Variants in LARP6 observed in about 807,000 individuals in gnomAD.
The protein encoded by LARP6 is la-related protein 6.
Under a neutral mutation model 32.8 loss-of-function variants are expected in LARP6, and 18 were observed. The ratio of observed to expected loss-of-function variants is 0.55; its 90% CI spans 0.38 to 0.81. The LOEUF (loss-of-function observed/expected upper bound fraction) is 0.81, where lower values mean the gene tolerates loss of function less well. Among genes scored for constraint, LARP6 ranks in the 40% least tolerant of loss-of-function variants. The pLI is 0.00. For missense variants in LARP6, 598 were observed against 663.1 expected, an observed-to-expected ratio of 0.90 and a Z score of 1.08; for synonymous variants, 289 against 267.2, an observed-to-expected ratio of 1.08 and a Z score of -0.80.
intron 2 of LARP6, among the ~76,000 whole-genome samples, chr15:70,833,454 T>C (rs1170622087): frequency 6.6e-6 from 1 of 152,220 alleles, no homozygotes; most frequent in Non-Finnish European, 1.5e-5. Flanking sequence ...GGCCCACCTC[T>C]AGCTTGAAGT....
intron 1 of LARP6, chr15:70,851,485 C>G: frequency 7.3e-7 from 1 of 1,375,464 alleles, no homozygotes; most frequent in African/African-American, 1.4e-5. Flanking sequence ...CTTATATAAG[C>G]TAGGTATTAG....
intron 2 of LARP6, among the ~76,000 whole-genome samples, chr15:70,834,169 G>A (rs2032106097): frequency 6.6e-6 from 1 of 152,170 alleles, no homozygotes; most frequent in Admixed American, 6.5e-5. Context: ...GGAACTTCAT[G>A]AAACTCAAGA....
chr15:70,847,479 C>A lies in LARP6; in HGVS notation c.200+6410G>T, dbSNP rs573478914. Among the ~76,000 whole-genome samples, 15 of 152,130 alleles carry A rather than the reference C, an allele frequency of 9.9e-5. No homozygotes were observed. The South Asian group carries it at 2.9e-3, about 29-fold the overall frequency. The stretch of plus-strand genomic sequence containing the variant: ...CTGCCTCCTGGGTTCAAGCGATTCT[C>A]CCGCCTCAGCCTCCTGAGTAGCTGG... On this transcript the variant is annotated intron_variant, in intron 1 of 2. Transcript: ENST00000299213.
chr15:70,832,796 C>T lies in LARP6; in HGVS notation c.732G>A (p.Arg244=). The T allele has an allele frequency of 1.2e-6, 2 of 1,611,564 alleles. No homozygotes were observed. Among genetic ancestry groups the T allele is most frequent in the Non-Finnish European group, 1.7e-6 (2 of 1,179,042 alleles). Residue 244 remains arginine (R), a synonymous_variant, in exon 3 of 3, where the codon CGG becomes CGA. Coordinates refer to ENST00000299213, the MANE Select transcript of LARP6 (RefSeq NM_018357.4). Reference sequence around the variant, plus strand: ...CTTGGCTGTAGCGGCTGCTGATCCTCCGGATGTCAGGGGGCAGCTCTCTCC... The same window carrying T: ...CTTGGCTGTAGCGGCTGCTGATCCTTCGGATGTCAGGGGGCAGCTCTCTCC... The part of the protein sequence containing the change: ...KPGRELPPDI[R]RISSRYSQVG...
At chr15:70,849,940 T>A (rs796910180) in intron 1 of LARP6, among the ~76,000 whole-genome samples, 8 of 150,758 alleles carry the variant, frequency 5.3e-5, no homozygotes, top group African/African-American at 2.0e-4. Context: ...TAAAAAAAAA[T>A]AGAGCAATGC....
At chr15:70,847,226 G>A (rs1007831034) in intron 1 of LARP6, among the ~76,000 whole-genome samples, 2 of 152,104 alleles carry the variant, frequency 1.3e-5, no homozygotes, top group African/African-American at 4.8e-5. Flanking sequence ...TACACTTAAG[G>A]TTTTGCTTTG....
At position 70,832,831 on chromosome 15, in the gene LARP6, G is replaced by A. The variant is rs1216357739; in HGVS notation, c.697C>T (p.Leu233Phe). Residue 233 changes from leucine (L) to phenylalanine (F), a missense_variant, in exon 3 of 3, where the codon CTC becomes TTC. Leu to Phe is a conservative substitution (Grantham distance 22). This residue lies in a region of LARP6 where 368 missense variants were observed against 397.9 expected (regional missense o/e 0.92). Transcript: ENST00000299213. ...GGGGGCAGCTCTCTCCCAGGTTTGA[G>A]GATCCGCACTGATGAGATGACTCCA... ...TFGVISSVRI[L>F]KPGRELPPDI... 14 of 1,613,036 alleles carry A rather than the reference G, an allele frequency of 8.7e-6. No homozygotes were observed. Among genetic ancestry groups the A allele is most frequent in the Non-Finnish European group, 1.2e-5 (14 of 1,179,688 alleles).
intron 1 of LARP6, among the ~76,000 whole-genome samples, chr15:70,850,446 C>T (rs527835650): frequency 6.6e-6 from 1 of 152,260 alleles, no homozygotes; most frequent in South Asian, 2.1e-4. Context: ...AAATCCTCAG[C>T]AAAATATTAG....
intron 1 of LARP6, among the ~76,000 whole-genome samples, chr15:70,838,930 A>G (rs538546669): frequency 3.3e-5 from 5 of 151,960 alleles, no homozygotes; most frequent in African/African-American, 1.2e-4. Context: ...AAAAAAAAGA[A>G]AAGAAGCAAC....
chr15:70,843,519 T>G (rs2032293001), intron 1 of LARP6, among the ~76,000 whole-genome samples: 1 of 152,194 alleles, frequency 6.6e-6, no homozygotes, highest in Non-Finnish European at 1.5e-5. Context: ...GTAGTCATTC[T>G]CTATTCATGT....
rs556416805 is a variant in LARP6, at chr15:70,831,941, T to TA, written c.*110dup. 15 of 758,678 alleles carry TA rather than the reference T, an allele frequency of 2.0e-5. No individual in the cohort carries two copies. Among genetic ancestry groups the TA allele is most frequent in the Non-Finnish European group, 2.9e-5 (14 of 474,990 alleles). The allele number at this position is 758,678 out of a possible 1,614,324, so 47.0% of individuals were successfully genotyped here. ...AGATAAATTAAGAGGTCTACATGAA[T>TA]AAAAAATCTCTCAAAGGGGAACGAA... On this transcript the variant is annotated 3_prime_UTR_variant, in exon 3 of 3. Transcript: ENST00000299213.
At chr15:70,850,239 C>T (rs2141059190) in intron 1 of LARP6, among the ~76,000 whole-genome samples, 1 of 152,286 alleles carries the variant, frequency 6.6e-6, no homozygotes, top group East Asian at 1.9e-4. Context: ...CAAAGAAAAG[C>T]TCAAGGCCTG....
Position 70,832,748 on chromosome 15 carries a change from G to A in LARP6, c.780C>T (p.Ile260=), listed in dbSNP as rs776423353. Residue 260 remains isoleucine, a synonymous_variant, in exon 3 of 3, where the codon ATC becomes ATT. Transcript: ENST00000299213. ...CTGCTTCCACCTCCTCGAACTCCAC[G>A]ATGGCGCACTCCTGGGTCCCCACTT... The part of the protein sequence containing the change: ...YSQVGTQECA[I]VEFEEVEAAI... 16 of 1,598,766 alleles carry A rather than the reference G, an allele frequency of 1.0e-5. No homozygotes were observed. Among genetic ancestry groups the A allele is most frequent in the African/African-American group, 2.7e-5 (2 of 74,128 alleles).
chr15:70,848,879 G>A (rs1355632482), intron 1 of LARP6: 1 of 152,058 alleles, frequency 6.6e-6, no homozygotes, highest in Non-Finnish European at 1.5e-5. Flanking sequence ...GGTTTTTATT[G>A]TTCATATTAA....
chr15:70,830,257 G>C lies in LARP6; in HGVS notation c.*1795C>G, dbSNP rs1212238577. The C allele has an allele frequency of 6.6e-6, 1 of 152,214 alleles. No homozygotes were observed. The allele number at this position is 152,214 out of a possible 1,614,324, so 9.4% of individuals were successfully genotyped here. ...TCACAATCACCTGCTAATTTGTATA[G>C]AGCCATATCATTTAGGATATACTAT... On this transcript the variant is annotated 3_prime_UTR_variant, in exon 3 of 3. Transcript: ENST00000299213.
rs140759060 is a variant in LARP6 at position 70,836,390 on chromosome 15, C to T, written c.316G>A (p.Asp106Asn). 60 of 1,614,008 alleles carry T rather than the reference C, an allele frequency of 3.7e-5. No homozygotes were observed. The African/African-American group carries it at 7.2e-4, about 19-fold the overall frequency. The change falls in exon 2 of 3, where the codon GAT (aspartate) becomes AAT (asparagine). Residue 106 changes from aspartate (D) to asparagine (N), a missense_variant. Around this residue, in one of 3 missense-constraint regions of LARP6, gnomAD observed 69 missense variants for 116.7 expected, o/e 0.59. Coordinates refer to ENST00000299213, the MANE Select transcript of LARP6 (RefSeq NM_018357.4). ...LVDQIEFYFS[D>N]ENLEKDAFLL... is the part of the protein sequence containing the mutation. ...AAGGCGTCCTTCTCCAGGTTTTCATCAGAAAAGTAGAATTCGATCTGATCC... is the reference window on the plus strand; with the variant it reads ...AAGGCGTCCTTCTCCAGGTTTTCATTAGAAAAGTAGAATTCGATCTGATCC...
chr15:70,832,433 G>A lies in LARP6; in HGVS notation c.1095C>T (p.Gly365=), dbSNP rs773133501. ...HAATNKLSPS[G]HQNLFLSPNA... is the part of the protein sequence containing the mutation. ...TTGGACTCAGAAAGAGATTCTGGTG[G>A]CCAGACGGGCTGAGCTTGTTGGTGG... Residue 365 remains glycine (G), a synonymous_variant, in exon 3 of 3, where the codon GGC becomes GGT. Coordinates refer to ENST00000299213, the MANE Select transcript of LARP6 (RefSeq NM_018357.4). 4.4e-6 allele frequency: 7 copies of A among 1,579,222 alleles called. No individual in the cohort carries two copies. The highest frequency in any genetic ancestry group is 1.8e-5 in the Admixed American group (1 of 55,178).
intron 2 of LARP6, among the ~76,000 whole-genome samples, chr15:70,834,972 A>ATTCC (rs2032120800): frequency 6.6e-6 from 1 of 152,240 alleles, no homozygotes; most frequent in South Asian, 2.1e-4. Context: ...AGAGAAGAAC[A>ATTCC]TTCCTAAATA....
chr15:70,840,546 A>AAAAC (rs1010992324), intron 1 of LARP6, among the ~76,000 whole-genome samples: 3 of 152,318 alleles, frequency 2.0e-5, no homozygotes, highest in African/African-American at 7.2e-5. Flanking sequence ...GTCTCAAACA[A>AAAAC]AAACAAACAA....
Sources: gnomAD v4.1 joint callset for allele counts (sites outside exome capture counted in the v4.1 genomes callset) on GRCh38, gnomAD v4.1.1 for gene constraint, gnomAD v4.1.1 regional missense constraint, MANE v1.5 for transcripts, NCBI Gene and HGNC (gene_info 2026-07-23, HGNC 2026-07-21) for gene names.